The following SRPK2 variants were observed in gnomAD, a reference collection of about 807,000 sequenced individuals.
SRPK2 encodes SFRS protein kinase 2.
A neutral mutation model predicts 90.8 loss-of-function variants in SRPK2; 21 were observed. The observed-to-expected ratio is 0.23, with a 90% CI of 0.16 to 0.33. The LOEUF (loss-of-function observed/expected upper bound fraction) is 0.33, where lower values mean the gene tolerates loss of function less well. Among genes scored for constraint, SRPK2 ranks in the 10% least tolerant of loss-of-function variants. The probability of loss-of-function intolerance (pLI) is 1.00; values close to 1 mark genes in which losing one functional copy is unlikely to be tolerated. For synonymous variants in SRPK2, 288 were observed against 311.1 expected, an observed-to-expected ratio of 0.93 and a Z score of 0.78; for missense variants, 620 against 869.0, an observed-to-expected ratio of 0.71 and a Z score of 3.60.
In SRPK2 at chr7:105,388,913, A is replaced by G. The variant is rs1821998780; in HGVS notation, c.-107T>C. ...CTCCGCCGGCCGGGAGGAGACGAGA[A>G]CCGCGCCTGCGCCGCCGCCGCCGCC... On this transcript the variant is annotated 5_prime_UTR_variant, in exon 1 of 16. Transcript: ENST00000393651. 8.2e-7 allele frequency: 1 copy of G among 1,216,560 alleles called. No homozygotes were observed. Among genetic ancestry groups the G allele is most frequent in the Non-Finnish European group, 1.0e-6 (1 of 981,234 alleles). 75.4% of individuals were successfully genotyped at this position (1,216,560 alleles called of 1,614,324 possible). A position where few individuals can be genotyped will look rare whatever the true frequency, so the allele number is the denominator to read the frequency against.
intron 2 of SRPK2, among the ~76,000 whole-genome samples, chr7:105,287,588 T>C (rs957000584): frequency 5.9e-5 from 9 of 151,910 alleles, no homozygotes; most frequent in African/African-American, 1.9e-4. Flanking sequence ...ATATAAAAAT[T>C]TGCCAGGTGT....
chr7:105,117,972 G>A lies in SRPK2; in HGVS notation c.1966C>T (p.Leu656Phe), dbSNP rs1344238708. The A allele has an allele frequency of 6.2e-7, 1 of 1,614,184 alleles. No homozygotes were observed. Among genetic ancestry groups the A allele is most frequent in the Non-Finnish European group, 8.5e-7 (1 of 1,180,024 alleles). ...TGGGGCCAGCCATACTTTTCCACAAGTACATCAAAGAGGCTCCAGGGCTTC... is the reference window on the plus strand; with the variant it reads ...TGGGGCCAGCCATACTTTTCCACAAATACATCAAAGAGGCTCCAGGGCTTC... ...KLKPWSLFDV[L>F]VEKYGWPHED... The change falls in exon 16 of 16, where the codon CTT becomes TTT. Residue 656 changes from leucine to phenylalanine, a missense_variant. Leu to Phe is a conservative substitution (Grantham distance 22, BLOSUM62 0). Around this residue, in one of 8 missense-constraint regions of SRPK2, gnomAD observed 71 missense variants for 123.1 expected, o/e 0.58. Transcript: ENST00000393651.
intron 2 of SRPK2, among the ~76,000 whole-genome samples, chr7:105,264,557 T>C (rs747498733): frequency 8.4e-4 from 127 of 152,024 alleles, no homozygotes; most frequent in Non-Finnish European, 2.4e-4. Flanking sequence ...AGTTTGTGAA[T>C]TCAGTATTGG....
intron 3 of SRPK2, among the ~76,000 whole-genome samples, chr7:105,176,792 GC>G (rs1554439632): frequency 1.3e-5 from 2 of 150,916 alleles, no homozygotes; most frequent in Non-Finnish European, 3.0e-5. Flanking sequence ...TATATACCAC[GC>G]CTGGCTAATT....
chr7:105,216,817 C>T (rs1045978049), intron 2 of SRPK2, among the ~76,000 whole-genome samples: 4 of 152,170 alleles, frequency 2.6e-5, no homozygotes, highest in African/African-American at 7.2e-5. Context: ...CTAGGTTAGG[C>T]TGAATACCTG....
chr7:105,364,674 T>C (rs566313348), intron 2 of SRPK2, among the ~76,000 whole-genome samples: 2 of 152,092 alleles, frequency 1.3e-5, no homozygotes. Flanking sequence ...AGTGCTGGGG[T>C]TACAGGGGAG....
At chr7:105,249,495 G>GAA (rs566812827) in intron 2 of SRPK2, among the ~76,000 whole-genome samples, 3 of 145,152 alleles carry the variant, frequency 2.1e-5, no homozygotes, top group Admixed American at 6.9e-5. Flanking sequence ...TTAAAGAACA[G>GAA]AAAAAAAAAA....
intron 2 of SRPK2, among the ~76,000 whole-genome samples, chr7:105,310,597 C>G (rs1379988821): frequency 1.3e-5 from 2 of 151,928 alleles, no homozygotes; most frequent in African/African-American, 4.8e-5. Context: ...AAGCCGAGAT[C>G]GCGCCACTGC....
At chr7:105,325,459 A>C (rs1319132307) in intron 2 of SRPK2, among the ~76,000 whole-genome samples, 1 of 140,468 alleles carries the variant, frequency 7.1e-6, no homozygotes, top group East Asian at 2.2e-4. Flanking sequence ...CATCCTAATG[A>C]GGAACTAAGA....
intron 14 of SRPK2, 104 bp downstream of exon 14, chr7:105,126,889 A>C (rs1246881297): frequency 5.9e-6 from 7 of 1,181,180 alleles, no homozygotes; most frequent in Non-Finnish European, 8.6e-6. Flanking sequence ...GTGTTTGAAA[A>C]CCAAACACAT....
chr7:105,346,708 A>C (rs1256712741), intron 2 of SRPK2, among the ~76,000 whole-genome samples: 2 of 152,064 alleles, frequency 1.3e-5, no homozygotes. Flanking sequence ...CAGTGAGCCA[A>C]GATCGCACCA....
chr7:105,230,405 C>T (rs1449146050), intron 2 of SRPK2, among the ~76,000 whole-genome samples: 1 of 152,132 alleles, frequency 6.6e-6, no homozygotes, highest in Non-Finnish European at 1.5e-5. Flanking sequence ...GAGACCATAA[C>T]CACCAGGCTC....
intron 2 of SRPK2, among the ~76,000 whole-genome samples, chr7:105,357,770 A>G (rs1481127390): frequency 7.2e-6 from 1 of 138,250 alleles, no homozygotes; most frequent in Non-Finnish European, 1.7e-5. Context: ...CAATAACAAA[A>G]CAAAACAAAA....
intron 6 of SRPK2, among the ~76,000 whole-genome samples, chr7:105,163,288 G>T (rs796905296): frequency 1.1e-4 from 17 of 152,218 alleles, no homozygotes; most frequent in African/African-American, 4.1e-4. Context: ...AGAGCAACAT[G>T]AATTCTAAAA....
Position 105,142,376 on chromosome 7 carries a change from G to C in SRPK2, c.1175C>G (p.Pro392Arg), listed in dbSNP as rs1803912627. The change falls in exon 11 of 16, where the codon CCT (proline) becomes CGT (arginine). Residue 392 changes from proline to arginine, a missense_variant. This residue lies in a region of SRPK2 where 243 missense variants were observed against 245.7 expected (regional missense o/e 0.99). Coordinates refer to ENST00000393651, the MANE Select transcript of SRPK2 (RefSeq NM_182692.3). ...ANIDPTWIES[P>R]KTNGHIENGP... is the part of the protein sequence containing the mutation. ...ATTCTCAATATGGCCATTGGTTTTA[G>C]GTGATTCTATCCACGTAGGGTCTAT... is the stretch of plus-strand genomic sequence containing the variant. The C allele has an allele frequency of 2.5e-6, 4 of 1,614,064 alleles. No homozygotes were observed. The highest frequency in any genetic ancestry group is 2.7e-5 in the African/African-American group (2 of 75,014).
intron 2 of SRPK2, chr7:105,302,066 G>A (rs550427209): frequency 1.3e-6 from 2 of 1,561,782 alleles, no homozygotes; most frequent in African/African-American, 1.4e-5. Flanking sequence ...AAGCAAAACT[G>A]GCTCTAAGGA....
At chr7:105,285,851 C>CTTTTCTTTAAAA (rs1554496280) in intron 2 of SRPK2, among the ~76,000 whole-genome samples, 1 of 152,188 alleles carries the variant, frequency 6.6e-6, no homozygotes, top group African/African-American at 2.4e-5. Context: ...AATTAAACCT[C>CTTTTCTTTAAAA]TTTTCTTTAA....
intron 2 of SRPK2, among the ~76,000 whole-genome samples, chr7:105,369,290 G>A (rs766744003): frequency 1.6e-4 from 25 of 151,972 alleles, no homozygotes; most frequent in Non-Finnish European, 2.8e-4. Context: ...GAGATTACAG[G>A]AGCATGCAAC....
intron 2 of SRPK2, 86 bp downstream of exon 2, chr7:105,388,562 G>T: frequency 7.9e-7 from 1 of 1,272,232 alleles, no homozygotes; most frequent in Non-Finnish European, 1.1e-6. Context: ...CCGGCCCGGG[G>T]ACCCGGACAA....
Sources: gnomAD v4.1 joint callset for allele counts (sites outside exome capture counted in the v4.1 genomes callset) on GRCh38, gnomAD v4.1.1 for gene constraint, gnomAD v4.1.1 regional missense constraint, MANE v1.5 for transcripts, NCBI Gene and HGNC (gene_info 2026-07-23, HGNC 2026-07-21) for gene names.